Variants in FLT3 observed in about 807,000 individuals in gnomAD.
The protein encoded by FLT3 is fms related receptor tyrosine kinase 3, also known as receptor-type tyrosine-protein kinase FLT3.
In FLT3, 46 loss-of-function variants were observed where a neutral mutation model predicts 126.6. The ratio of observed to expected loss-of-function variants is 0.36; its 90% CI spans 0.29 to 0.46. The LOEUF (loss-of-function observed/expected upper bound fraction) is 0.46, where lower values mean the gene tolerates loss of function less well. FLT3 is among the 20% of genes least tolerant of loss of function. The pLI, the probability that FLT3 is intolerant of heterozygous loss-of-function variation, is 1.00. For synonymous variants in FLT3, 404 were observed against 434.4 expected, an observed-to-expected ratio of 0.93 and a Z score of 0.87; for missense variants, 1,069 against 1,190.3, an observed-to-expected ratio of 0.90 and a Z score of 1.50.
intron 9 of FLT3, among the ~76,000 whole-genome samples, chr13:28,038,214 A>G (rs2491237): frequency 0.73 from 110,406 of 152,040 alleles, 41,317 homozygotes; most frequent in East Asian, 0.87. Context: ...ATTTTGACAC[A>G]GATAACCTGA....
chr13:28,018,843 C>A (rs1872123526), intron 19 of FLT3, among the ~76,000 whole-genome samples: 1 of 152,192 alleles, frequency 6.6e-6, no homozygotes, highest in African/African-American at 2.4e-5. Context: ...AGGAGCAGAT[C>A]TTTTGCAGAT....
chr13:28,087,508 C>T (rs1878754112), intron 1 of FLT3, among the ~76,000 whole-genome samples: 1 of 152,140 alleles, frequency 6.6e-6, no homozygotes, highest in Non-Finnish European at 1.5e-5. Context: ...TTGTAGTTGT[C>T]ATAAGTCATG....
chr13:28,016,254 G>A (rs1871844963), intron 20 of FLT3, among the ~76,000 whole-genome samples: 1 of 149,158 alleles, frequency 6.7e-6, no homozygotes, highest in African/African-American at 2.5e-5. Flanking sequence ...CTGGGGCAGA[G>A]CTTTGTACTG....
At chr13:28,092,382 T>G (rs953382734) in intron 1 of FLT3, among the ~76,000 whole-genome samples, 3 of 152,054 alleles carry the variant, frequency 2.0e-5, no homozygotes, top group Non-Finnish European at 2.9e-5. Flanking sequence ...TGACTGTTTT[T>G]TTTAGATAGG....
chr13:28,030,054 A>G (rs1022072258), intron 15 of FLT3, among the ~76,000 whole-genome samples: 1 of 152,166 alleles, frequency 6.6e-6, no homozygotes, highest in Non-Finnish European at 1.5e-5. Context: ...TCTTCCAGAT[A>G]TAGTAACTCT....
At chr13:28,058,553 T>C (rs1459284604) in intron 3 of FLT3, among the ~76,000 whole-genome samples, 2 of 152,194 alleles carry the variant, frequency 1.3e-5, no homozygotes, top group African/African-American at 4.8e-5. Flanking sequence ...AAGTTCACAC[T>C]TTCTGACCTT....
intron 17 of FLT3, 40 bp downstream of exon 17, chr13:28,027,048 C>T (rs780791387): frequency 6.3e-7 from 1 of 1,586,098 alleles, no homozygotes; most frequent in Non-Finnish European, 8.6e-7. Context: ...TGCCTACGTT[C>T]TATGATGTGT....
Position 28,018,485 on chromosome 13 carries a change from G to A in FLT3, c.2523C>T (p.Asn841=), listed in dbSNP as rs749281035. Residue 841 remains asparagine, a synonymous_variant, in exon 20 of 24, where the codon AAC becomes AAT. Transcript: ENST00000241453. ...GCCTCACATTGCCCCTGACAACATA[G>A]TTGGAATCACTCATGATATCTCGAG... The part of the protein sequence containing the change: ...GLARDIMSDS[N]YVVRGNARLP... 1.2e-6 allele frequency: 2 copies of A among 1,614,074 alleles called. No homozygotes were observed. The highest frequency in any genetic ancestry group is 2.2e-5 in the East Asian group (1 of 44,888).
At chr13:28,092,831 C>CAA (rs1169096638) in intron 1 of FLT3, among the ~76,000 whole-genome samples, 1 of 110,496 alleles carries the variant, frequency 9.1e-6, no homozygotes, top group Non-Finnish European at 1.9e-5. Context: ...ACTCACTTTC[C>CAA]AAAAAAAAAA....
intron 23 of FLT3, among the ~76,000 whole-genome samples, chr13:28,011,340 A>AGGGGAGGGGG (rs1871339430): frequency 8.7e-5 from 4 of 45,722 alleles, no homozygotes; most frequent in East Asian, 5.9e-4. Context: ...AGGAGAGGGG[A>AGGGGAGGGGG]GGGGAGGGGA....
intron 18 of FLT3, 85 bp from the exon 19 acceptor site, chr13:28,023,562 G>C: frequency 6.9e-7 from 1 of 1,443,082 alleles, no homozygotes; most frequent in Non-Finnish European, 9.6e-7. Flanking sequence ...ATTCAAGCCA[G>C]AGTTAGGTGA....
chr13:28,072,515 G>A (rs1413762734), intron 1 of FLT3, among the ~76,000 whole-genome samples: 3 of 152,070 alleles, frequency 2.0e-5, no homozygotes, highest in Non-Finnish European at 4.4e-5. Context: ...TCCTGCCTCA[G>A]CCTCCCAAGT....
intron 16 of FLT3, among the ~76,000 whole-genome samples, chr13:28,027,800 G>A (rs988411252): frequency 5.3e-5 from 8 of 152,194 alleles, no homozygotes; most frequent in Admixed American, 1.3e-4. Flanking sequence ...AGGCTGTGCC[G>A]TATTTGACGG....
chr13:28,006,556 A>G (rs1014970394), intron 23 of FLT3, among the ~76,000 whole-genome samples: 5 of 152,092 alleles, frequency 3.3e-5, no homozygotes, highest in East Asian at 1.9e-4. Context: ...ACAAATACCA[A>G]TAACACTTCC....
intron 19 of FLT3, among the ~76,000 whole-genome samples, chr13:28,021,856 C>T (rs1322046884): frequency 6.6e-6 from 1 of 151,772 alleles, no homozygotes; most frequent in Non-Finnish European, 1.5e-5. Flanking sequence ...CATTCTCCTG[C>T]CTCAGCCTCC....
At position 28,061,900 on chromosome 13, in the gene FLT3, A is replaced by G; in HGVS notation, c.335T>C (p.Leu112Pro). The G allele has an allele frequency of 6.2e-7, 1 of 1,614,132 alleles. No homozygotes were observed. The highest frequency in any genetic ancestry group is 8.5e-7 in the Non-Finnish European group (1 of 1,179,956). Residue 112 changes from leucine (L) to proline (P), a missense_variant, in exon 3 of 24, where the codon CTG (leucine) becomes CCG (proline). Leu to Pro is a moderately conservative substitution (Grantham distance 98). Coordinates refer to ENST00000241453, the MANE Select transcript of FLT3 (RefSeq NM_004119.3). The part of the protein sequence containing the change: ...SCLWVFKHSS[L>P]NCQPHFDLQN... ...TAAATCAAAATGTGGCTGGCAATTCAGGGAGCTGTGCTTAAAGACCCAGAG... is the reference window on the plus strand; with the variant it reads ...TAAATCAAAATGTGGCTGGCAATTCGGGGAGCTGTGCTTAAAGACCCAGAG...
At chr13:28,053,697 C>T (rs1337034526) in intron 4 of FLT3, among the ~76,000 whole-genome samples, 1 of 151,646 alleles carries the variant, frequency 6.6e-6, no homozygotes, top group African/African-American at 2.4e-5. Flanking sequence ...ACTTCTACAA[C>T]TTCATTTTTT....
In FLT3 at chr13:28,035,714, T is replaced by C. The variant is rs768385382; in HGVS notation, c.1419-41A>G. On this transcript the variant is annotated intron_variant, in intron 11 of 23. Coordinates refer to ENST00000241453, the MANE Select transcript of FLT3 (RefSeq NM_004119.3). ...GCAAAGAATTTAGACAGGTGAGCTG[T>C]CATCAGATTGGAAGTTAGGATTTCT... The C allele has an allele frequency of 1.7e-5, 26 of 1,567,778 alleles. No individual in the cohort carries two copies. The South Asian group carries it at 2.9e-4, about 17-fold the overall frequency.
At chr13:28,090,525 C>A (rs902708751) in intron 1 of FLT3, among the ~76,000 whole-genome samples, 2 of 152,248 alleles carry the variant, frequency 1.3e-5, no homozygotes, top group African/African-American at 4.8e-5. Context: ...CACTTATAAT[C>A]CCAGTACTTT....
Sources: gnomAD v4.1 joint callset for allele counts (sites outside exome capture counted in the v4.1 genomes callset) on GRCh38, gnomAD v4.1.1 for gene constraint, MANE v1.5 for transcripts, NCBI Gene and HGNC (gene_info 2026-07-23, HGNC 2026-07-21) for gene names.